ZC3H14: variants seen among roughly 807,000 people sequenced by gnomAD.
The protein encoded by ZC3H14 is zinc finger CCCH-type containing 14, also known as zinc finger CCCH domain-containing protein 14.
A neutral mutation model predicts 92.4 loss-of-function variants in ZC3H14; 31 were observed. The observed-to-expected ratio is 0.34, with a 90% CI of 0.25 to 0.45. The LOEUF is 0.45. Among genes scored for constraint, ZC3H14 ranks in the 20% least tolerant of loss-of-function variants. ZC3H14 has a pLI of 1.00. For missense variants in ZC3H14, 781 were observed against 897.3 expected (o/e 0.87, Z 1.66); for synonymous variants, 321 against 300.9 (o/e 1.07, Z -0.69).
At chr14:88,574,328 C>T (rs2080887830) in intron 6 of ZC3H14, 1 of 278,780 alleles carries the variant, frequency 3.6e-6, no homozygotes, top group African/African-American at 2.2e-5. Context: ...TCCCTACATC[C>T]TCCACCTCCC....
intron 6 of ZC3H14, 129 bp from the exon 7 acceptor site, chr14:88,574,564 A>T: frequency 8.2e-7 from 1 of 1,225,298 alleles, no homozygotes; most frequent in African/African-American, 1.5e-5. Context: ...TTTTTACATA[A>T]AACCAAGAAA....
At chr14:88,574,999 C>A in intron 7 of ZC3H14, 146 bp downstream of exon 7, 1 of 1,249,802 alleles carries the variant, frequency 8.0e-7, no homozygotes. Context: ...TGCAGTGCCA[C>A]GATCTCGGCT....
At chr14:88,574,899 A>T (rs375765385) in intron 7 of ZC3H14, 46 bp downstream of exon 7, 14 of 1,612,762 alleles carry the variant, frequency 8.7e-6, no homozygotes, top group Non-Finnish European at 1.1e-5. Context: ...GCCTTGGTGG[A>T]GTCTTCCTGA....
chr14:88,614,928 G>A lies in ZC3H14; in HGVS notation c.*3177G>A, dbSNP rs1567005979. ...TTAAATTGTATAATGTTGTATATGT[G>A]AATTTAACACTTTTGTTTACATGTT... On this transcript the variant is annotated 3_prime_UTR_variant, in exon 17 of 17. Coordinates refer to ENST00000251038, the MANE Select transcript of ZC3H14 (RefSeq NM_024824.5). 1.3e-5 allele frequency: 2 copies of A among 152,120 alleles called. No individual in the cohort carries two copies. Among genetic ancestry groups the A allele is most frequent in the African/African-American group, 4.8e-5 (2 of 41,436 alleles). 9.4% of individuals were successfully genotyped at this position (152,120 alleles called of 1,614,324 possible). A position where few individuals can be genotyped will look rare whatever the true frequency, so the allele number is the denominator to read the frequency against.
intron 2 of ZC3H14, 113 bp from the exon 3 acceptor site, chr14:88,567,926 G>T (rs902707298): frequency 1.2e-5 from 10 of 844,184 alleles, no homozygotes; most frequent in Non-Finnish European, 1.8e-5. Context: ...TGTAATTCCA[G>T]TAGAGCTCTG....
chr14:88,592,762 A>G (rs980851974), intron 9 of ZC3H14, among the ~76,000 whole-genome samples: 2 of 151,976 alleles, frequency 1.3e-5, no homozygotes. Context: ...TGGCCTCCCA[A>G]AGTGCTGGAA....
intron 2 of ZC3H14, among the ~76,000 whole-genome samples, chr14:88,564,422 A>G (rs145521583): frequency 6.6e-6 from 1 of 152,326 alleles, no homozygotes; most frequent in African/African-American, 2.4e-5. Context: ...AAACAAGGAA[A>G]CTGAGGCTTT....
intron 2 of ZC3H14, among the ~76,000 whole-genome samples, chr14:88,564,796 T>G (rs569733651): frequency 5.3e-5 from 8 of 152,336 alleles, no homozygotes; most frequent in Admixed American, 5.2e-4. Flanking sequence ...TAGTATTCAG[T>G]GCGAGGAAAT....
At chr14:88,567,960 T>G in intron 2 of ZC3H14, 79 bp from the exon 3 acceptor site, 1 of 1,128,422 alleles carries the variant, frequency 8.9e-7, no homozygotes, top group Non-Finnish European at 1.3e-6. Context: ...TAGAGCTACA[T>G]CTATATTTTC....
chr14:88,609,371 G>A lies in ZC3H14; in HGVS notation c.1973G>A (p.Ser658Asn). Residue 658 changes from serine to asparagine, a missense_variant, in exon 14 of 17, where the codon AGT becomes AAT. By Grantham distance (46) the Ser-to-Asn change is conservative. Coordinates refer to ENST00000251038, the MANE Select transcript of ZC3H14 (RefSeq NM_024824.5). The part of the protein sequence containing the change: ...TKPDCPFTHV[S>N]RRIPVLSPKP... ...CCAGATTGTCCCTTCACTCATGTGA[G>A]TAGAAGAATTCCAGTACTGTCTCCA... 6.2e-7 allele frequency: 1 copy of A among 1,614,034 alleles called. No individual in the cohort carries two copies. Among genetic ancestry groups the A allele is most frequent in the Admixed American group, 1.7e-5 (1 of 60,028 alleles).
chr14:88,611,891 T>TA lies in ZC3H14; in HGVS notation c.*140_*141insA. ...TATGAAGTTTTATTGCCTATCTATC[T>TA]GAAGTGTCTAATTTTTCAAGTTTGT... is the stretch of plus-strand genomic sequence containing the variant. On this transcript the variant is annotated 3_prime_UTR_variant, in exon 17 of 17. Transcript: ENST00000251038. The TA allele has an allele frequency of 8.6e-7, 1 of 1,165,502 alleles. No individual in the cohort carries two copies. Among genetic ancestry groups the TA allele is most frequent in the Non-Finnish European group, 1.2e-6 (1 of 810,362 alleles). The allele number at this position is 1,165,502 out of a possible 1,614,324, so 72.2% of individuals were successfully genotyped here. A position where few individuals can be genotyped will look rare whatever the true frequency, so the allele number is the denominator to read the frequency against.
Position 88,624,084 on chromosome 14 carries a change from TTTTG to T in ZC3H14, c.*12337_*12340del, listed in dbSNP as rs1183530456. On this transcript the variant is annotated 3_prime_UTR_variant, in exon 17 of 17. Transcript: ENST00000251038. Reference sequence around the variant, plus strand: ...ATGTCACATTTTTTTTTGTTTTTGTTTTTGTTTTTTAAATGGGGTCTCACTCTGT... The same window carrying T: ...ATGTCACATTTTTTTTTGTTTTTGTTTTTTTTAAATGGGGTCTCACTCTGT... 6.6e-6 allele frequency: 1 copy of T among 152,300 alleles called. No homozygotes were observed. The highest frequency in any genetic ancestry group is 1.5e-5 in the Non-Finnish European group (1 of 68,192). The allele number at this position is 152,300 out of a possible 1,614,324, so 9.4% of individuals were successfully genotyped here.
At chr14:88,599,055 T>C (rs919841841) in intron 10 of ZC3H14, among the ~76,000 whole-genome samples, 13 of 152,348 alleles carry the variant, frequency 8.5e-5, no homozygotes, top group Non-Finnish European at 1.6e-4. Flanking sequence ...ACCACTGCAC[T>C]CCAGCCTGGG....
rs1567008308 is a variant in ZC3H14, at chr14:88,615,883, G to A, written c.*4132G>A. ...CAATCAGAGAAGAAAATTGCAGGGA[G>A]TTAATTATGTTTTTAGATTTTCATA... On this transcript the variant is annotated 3_prime_UTR_variant, in exon 17 of 17. Transcript: ENST00000251038. The A allele has an allele frequency of 6.3e-7, 1 of 1,599,696 alleles. No homozygotes were observed.
rs2088122897 is a variant in ZC3H14, at chr14:88,618,389, A to G, written c.*6638A>G. On this transcript the variant is annotated 3_prime_UTR_variant, in exon 17 of 17. Transcript: ENST00000251038. Reference sequence around the variant, plus strand: ...CCATTAGGTGAGAGACAAAATCCACAGGGGGTTTACAGAATACTAGCATAT... The same window carrying G: ...CCATTAGGTGAGAGACAAAATCCACGGGGGGTTTACAGAATACTAGCATAT... 2.0e-6 allele frequency: 3 copies of G among 1,470,814 alleles called. No homozygotes were observed. The highest frequency in any genetic ancestry group is 2.8e-5 in the African/African-American group (2 of 72,222). The allele number at this position is 1,470,814 out of a possible 1,614,324, so 91.1% of individuals were successfully genotyped here.
rs1181137633 is a variant in ZC3H14 at position 88,627,554 on chromosome 14, A to G, written c.*15803A>G. On this transcript the variant is annotated 3_prime_UTR_variant, in exon 17 of 17. Transcript: ENST00000251038. ...AGGCCTCCACTGAATGATTGTTTCA[A>G]CCACCAACTTTAAGACAAATATTAA... 1 of 1,324,896 alleles carries G rather than the reference A, an allele frequency of 7.5e-7. No individual in the cohort carries two copies. Among genetic ancestry groups the G allele is most frequent in the East Asian group, 2.4e-5 (1 of 40,960 alleles). The allele number at this position is 1,324,896 out of a possible 1,614,324, so 82.1% of individuals were successfully genotyped here.
At position 88,626,738 on chromosome 14, in the gene ZC3H14, G is replaced by C. The variant is rs1011496859; in HGVS notation, c.*14987G>C. On this transcript the variant is annotated 3_prime_UTR_variant, in exon 17 of 17. Transcript: ENST00000251038. ...TGACCAGGGCATGTAATGATTAGCAGATCACAGTATCATCTCAACAACATT... is the reference window on the plus strand; with the variant it reads ...TGACCAGGGCATGTAATGATTAGCACATCACAGTATCATCTCAACAACATT... 1.2e-5 allele frequency: 14 copies of C among 1,185,606 alleles called. No individual in the cohort carries two copies. The highest frequency in any genetic ancestry group is 1.7e-5 in the Non-Finnish European group (14 of 832,638). 73.4% of individuals were successfully genotyped at this position (1,185,606 alleles called of 1,614,324 possible).
At chr14:88,585,307 GTTA>G (rs2082340622) in intron 9 of ZC3H14, among the ~76,000 whole-genome samples, 1 of 150,032 alleles carries the variant, frequency 6.7e-6, no homozygotes, top group Non-Finnish European at 1.5e-5. Context: ...ATTAATTACT[GTTA>G]TTGTTGACAA....
intron 5 of ZC3H14, 114 bp downstream of exon 5, chr14:88,572,339 T>C (rs2080538895): frequency 6.6e-6 from 8 of 1,218,154 alleles, no homozygotes; most frequent in Non-Finnish European, 9.3e-6. Flanking sequence ...AACAATGAAG[T>C]GATCGTGAGT....
Sources: allele counts gnomAD v4.1 joint callset (sites outside exome capture counted in the v4.1 genomes callset), GRCh38; gene constraint gnomAD v4.1.1; transcripts MANE v1.5; gene names NCBI Gene and HGNC (gene_info 2026-07-23, HGNC 2026-07-21).